CDH13: variants seen among roughly 807,000 people sequenced by gnomAD.
CDH13 encodes cadherin 13, also known as cadherin-13.
In CDH13, 24 loss-of-function variants were observed where a neutral mutation model predicts 63.8. The observed-to-expected ratio is 0.38, with a 90% CI of 0.27 to 0.53. CDH13 has a LOEUF of 0.53. CDH13 is among the 20% of genes least tolerant of loss of function. CDH13 has a pLI of 0.85. For missense variants in CDH13, 1,049 were observed against 903.1 expected (o/e 1.16, Z -2.07); for synonymous variants, 503 against 355.3 (o/e 1.42, Z -4.67).
At chr16:83,677,530 G>A (rs979716031) in intron 9 of CDH13, among the ~76,000 whole-genome samples, 7 of 152,224 alleles carry the variant, frequency 4.6e-5, no homozygotes, top group East Asian at 1.9e-4. Context: ...AGGGCCCAGC[G>A]GCTTAACTCC....
rs2037554305 is a variant in CDH13 at position 82,813,547 on chromosome 16, G to C, written c.46-44815G>C. ...TGTAGATAGTGCTATGAGCTACCTG[G>C]GGTTAAGATAAAAGGCTTCAAAAAG... On this transcript the variant is annotated intron_variant, in intron 1 of 13. Transcript: ENST00000567109. 1.3e-5 allele frequency among the ~76,000 whole-genome samples: 2 copies of C among 152,114 alleles called. 1 individual carries two copies. Among genetic ancestry groups the C allele is most frequent in the East Asian group, 3.9e-4 (2 of 5,170 alleles).
chr16:83,322,300 A>C (rs2090248297), intron 5 of CDH13, among the ~76,000 whole-genome samples: 1 of 152,306 alleles, frequency 6.6e-6, no homozygotes, highest in South Asian at 2.1e-4. Flanking sequence ...GAGCGTGTGC[A>C]CCCTGCAGTG....
chr16:83,689,093 G>A (rs1468292102), intron 10 of CDH13, among the ~76,000 whole-genome samples: 1 of 152,142 alleles, frequency 6.6e-6, no homozygotes, highest in South Asian at 2.1e-4. Flanking sequence ...ATCTACATAT[G>A]TTGTTATAAA....
intron 2 of CDH13, among the ~76,000 whole-genome samples, chr16:82,997,907 G>A (rs1351581706): frequency 1.3e-5 from 2 of 152,176 alleles, no homozygotes; most frequent in Admixed American, 6.5e-5. Flanking sequence ...TCTGATACTA[G>A]TAGAACTCTA....
rs1326441375 is a variant in CDH13 at position 83,442,308 on chromosome 16, A to T, written c.782-44169A>T. The stretch of plus-strand genomic sequence containing the variant: ...TCAGCCTTGACGAGTGCAGGATTCT[A>T]TGTGAATCTAGATGAGATTTATCCA... On this transcript the variant is annotated intron_variant, in intron 6 of 13. Transcript: ENST00000567109. Among the ~76,000 whole-genome samples, 5 of 152,322 alleles carry T rather than the reference A, an allele frequency of 3.3e-5. No individual in the cohort carries two copies. The South Asian group carries it at 1.0e-3, about 32-fold the overall frequency.
intron 7 of CDH13, among the ~76,000 whole-genome samples, chr16:83,509,289 T>G (rs1196855798): frequency 1.3e-5 from 2 of 152,220 alleles, no homozygotes; most frequent in African/African-American, 4.8e-5. Context: ...GAAGTAACTT[T>G]GTCTCAAGGG....
intron 11 of CDH13, among the ~76,000 whole-genome samples, chr16:83,776,754 A>ATG (rs1375111372): frequency 6.6e-6 from 1 of 152,142 alleles, no homozygotes; most frequent in Non-Finnish European, 1.5e-5. Flanking sequence ...ACATTTAATT[A>ATG]TGGGTCATTG....
chr16:83,229,750 G>A (rs774535277), intron 5 of CDH13, among the ~76,000 whole-genome samples: 6 of 152,070 alleles, frequency 3.9e-5, no homozygotes, highest in Non-Finnish European at 8.8e-5. Flanking sequence ...CTGGAATCAT[G>A]TTGGAAAGCC....
intron 4 of CDH13, among the ~76,000 whole-genome samples, chr16:83,179,371 C>T (rs557211413): frequency 5.3e-5 from 8 of 151,282 alleles, no homozygotes; most frequent in African/African-American, 1.5e-4. Flanking sequence ...AGGATGGGCG[C>T]GGTGGCTCAC....
At chr16:82,701,605 C>G (rs117956321) in intron 1 of CDH13, among the ~76,000 whole-genome samples, 2,027 of 152,128 alleles carry the variant, frequency 0.013, 23 homozygotes, top group Non-Finnish European at 0.022. Context: ...GTCAGCAGTC[C>G]TTCCTTTTTT....
At position 83,486,589 on chromosome 16, in the gene CDH13, G is replaced by C; in HGVS notation, c.894G>C (p.Met298Ile). ...QQTPDKPSPNMFYIDPEKGDI... is the reference protein window; with the variant it reads ...QQTPDKPSPNIFYIDPEKGDI... ...CGCCTGACAAGCCATCTCCCAACAT[G>C]TTCTACATCGATCCTGAGAAAGGAG... The change falls in exon 7 of 14, where the codon ATG becomes ATC. Residue 298 changes from methionine to isoleucine, a missense_variant. Coordinates refer to ENST00000567109, the MANE Select transcript of CDH13 (RefSeq NM_001257.5). The C allele has an allele frequency of 6.2e-7, 1 of 1,613,954 alleles. No homozygotes were observed. Among genetic ancestry groups the C allele is most frequent in the Non-Finnish European group, 8.5e-7 (1 of 1,179,840 alleles).
At chr16:83,553,514 T>G (rs1236565278) in intron 7 of CDH13, among the ~76,000 whole-genome samples, 1 of 152,200 alleles carries the variant, frequency 6.6e-6, no homozygotes, top group African/African-American at 2.4e-5. Context: ...CATGAGCATT[T>G]TTATCTGCCC....
At chr16:83,552,696 A>C (rs145348647) in intron 7 of CDH13, among the ~76,000 whole-genome samples, 17 of 152,350 alleles carry the variant, frequency 1.1e-4, no homozygotes, top group African/African-American at 4.1e-4. Flanking sequence ...TGAATTTGTC[A>C]CTAAAGAAAG....
chr16:83,028,987 G>C (rs1380898218), intron 2 of CDH13, among the ~76,000 whole-genome samples: 1 of 152,148 alleles, frequency 6.6e-6, no homozygotes, highest in Non-Finnish European at 1.5e-5. Context: ...TGTGTACTGG[G>C]CACCAACTTT....
In CDH13 at chr16:83,780,287, C is replaced by G. The variant is rs1399338413; in HGVS notation, c.1915+86C>G. ...CAAAATGCTGTTTCTCTACTGTTCT[C>G]TCAAGTATTCTCATTTGGTTCATTT... On this transcript the variant is annotated intron_variant, in intron 12 of 13. Coordinates refer to ENST00000567109, the MANE Select transcript of CDH13 (RefSeq NM_001257.5). 6.2e-6 allele frequency: 5 copies of G among 805,560 alleles called. No homozygotes were observed. The Admixed American group carries it at 1.3e-4, about 21-fold the overall frequency. The allele number at this position is 805,560 out of a possible 1,614,324, so 49.9% of individuals were successfully genotyped here.
intron 3 of CDH13, among the ~76,000 whole-genome samples, chr16:83,091,246 C>G (rs1365100387): frequency 4.0e-5 from 6 of 151,456 alleles, no homozygotes; most frequent in Non-Finnish European, 7.4e-5. Context: ...CCCCTACTCC[C>G]TTTTTCTCCA....
At chr16:83,427,957 G>A (rs1423096183) in intron 6 of CDH13, among the ~76,000 whole-genome samples, 1 of 152,224 alleles carries the variant, frequency 6.6e-6, no homozygotes, top group Non-Finnish European at 1.5e-5. Context: ...ACTTGTGAAT[G>A]GCGACAGAAA....
At chr16:82,770,013 AC>A (rs1361305140) in intron 1 of CDH13, among the ~76,000 whole-genome samples, 1 of 152,190 alleles carries the variant, frequency 6.6e-6, no homozygotes, top group African/African-American at 2.4e-5. Flanking sequence ...TGAATTGTGT[AC>A]CGTACCACCC....
intron 2 of CDH13, among the ~76,000 whole-genome samples, chr16:82,928,956 A>G (rs1344426211): frequency 6.6e-6 from 1 of 152,208 alleles, no homozygotes; most frequent in African/African-American, 2.4e-5. Flanking sequence ...TCTAGGTTCA[A>G]TATTACCAAA....
Sources: gnomAD v4.1 joint callset for allele counts (sites outside exome capture counted in the v4.1 genomes callset) on GRCh38, gnomAD v4.1.1 for gene constraint, MANE v1.5 for transcripts, NCBI Gene and HGNC (gene_info 2026-07-23, HGNC 2026-07-21) for gene names.